The following SLC39A8 variants were observed in gnomAD, a reference collection of about 807,000 sequenced individuals.
SLC39A8 encodes solute carrier family 39 member 8.
Under a neutral mutation model 40.4 loss-of-function variants are expected in SLC39A8, and 15 were observed. The ratio of observed to expected loss-of-function variants is 0.37; its 90% CI spans 0.25 to 0.57. The LOEUF is 0.57. SLC39A8 is among the 20% of genes least tolerant of loss of function. SLC39A8 has a pLI of 0.75. For synonymous variants in SLC39A8, 223 were observed against 221.6 expected, an observed-to-expected ratio of 1.01 and a Z score of -0.06; for missense variants, 472 against 558.8, an observed-to-expected ratio of 0.84 and a Z score of 1.57.
chr4:102,315,531 CAAAATATAA>C, intron 3 of SLC39A8, 128 bp downstream of exon 3: 1 of 638,952 alleles, frequency 1.6e-6, no homozygotes. Context: ...CAAATACTTT[CAAAATATAA>C]GTATTATTCG....
At chr4:102,282,717 GTTTTTTGTTT>G in intron 6 of SLC39A8, among the ~76,000 whole-genome samples, 1 of 152,132 alleles carries the variant, frequency 6.6e-6, no homozygotes, top group South Asian at 2.1e-4. Context: ...GATCAAGGCA[GTTTTTTGTTT>G]GTTTGTTTGT....
chr4:102,268,038 C>T lies in SLC39A8; in HGVS notation c.882G>A (p.Gly294=). The change falls in exon 7 of 9, where the codon GGG becomes GGA. Residue 294 remains glycine (G), a synonymous_variant. Transcript: ENST00000356736. ...TCGTCCCTATTTCTGACAGTTTGGGCCCCTTCAAACAGGTACATGAACTTG... is the reference window on the plus strand; with the variant it reads ...TCGTCCCTATTTCTGACAGTTTGGGTCCCTTCAAACAGGTACATGAACTTG... ...KEPSSCTCLK[G]PKLSEIGTIA... is the part of the protein sequence containing the mutation. The T allele has an allele frequency of 6.2e-7, 1 of 1,614,170 alleles. No individual in the cohort carries two copies. Among genetic ancestry groups the T allele is most frequent in the Non-Finnish European group, 8.5e-7 (1 of 1,180,030 alleles).
chr4:102,276,756 C>G (rs548415066), intron 6 of SLC39A8, among the ~76,000 whole-genome samples: 5 of 152,226 alleles, frequency 3.3e-5, no homozygotes, highest in Admixed American at 1.3e-4. Context: ...ACTGGTATAC[C>G]AAATCCAGTA....
intron 8 of SLC39A8, among the ~76,000 whole-genome samples, chr4:102,263,609 G>C (rs947130296): frequency 6.6e-6 from 1 of 152,062 alleles, no homozygotes; most frequent in African/African-American, 2.4e-5. Flanking sequence ...CTTAAAATAA[G>C]ACAACAATGA....
chr4:102,311,880 T>A (rs1307030326), intron 3 of SLC39A8, among the ~76,000 whole-genome samples: 1 of 152,058 alleles, frequency 6.6e-6, no homozygotes. Flanking sequence ...CTTCATTAAG[T>A]GAAAAGTTAT....
intron 2 of SLC39A8, among the ~76,000 whole-genome samples, chr4:102,319,878 T>A (rs1299524212): frequency 2.6e-5 from 4 of 151,776 alleles, no homozygotes; most frequent in Non-Finnish European, 4.4e-5. Context: ...TAGATTGCCC[T>A]CCCCAGTGTG....
chr4:102,330,741 A>C (rs1275753508), intron 2 of SLC39A8, among the ~76,000 whole-genome samples: 1 of 152,234 alleles, frequency 6.6e-6, no homozygotes, highest in Non-Finnish European at 1.5e-5. Context: ...TTTCAGGTCA[A>C]TATCCCTGAT....
At chr4:102,292,232 T>G (rs1733478258) in intron 6 of SLC39A8, among the ~76,000 whole-genome samples, 1 of 152,088 alleles carries the variant, frequency 6.6e-6, no homozygotes, top group South Asian at 2.1e-4. Context: ...ATAGGTGAAG[T>G]GATGAATATG....
intron 6 of SLC39A8, among the ~76,000 whole-genome samples, chr4:102,286,811 G>A (rs62327946): frequency 0.096 from 14,622 of 152,050 alleles, 776 homozygotes; most frequent in South Asian, 0.17. Context: ...TTCACTATGC[G>A]GGCAATCCTC....
intron 6 of SLC39A8, among the ~76,000 whole-genome samples, chr4:102,297,711 G>A (rs1249900072): frequency 6.6e-6 from 1 of 152,010 alleles, no homozygotes; most frequent in East Asian, 1.9e-4. Context: ...GAGACCTGGA[G>A]TTCAAGATCA....
chr4:102,306,652 G>T (rs1392640551), intron 4 of SLC39A8, among the ~76,000 whole-genome samples: 1 of 151,812 alleles, frequency 6.6e-6, no homozygotes, highest in African/African-American at 2.4e-5. Flanking sequence ...TGTGTGCATT[G>T]TGGGTGGCAG....
chr4:102,334,586 T>C lies in SLC39A8; in HGVS notation c.219+9858A>G, dbSNP rs528750376. Among the ~76,000 whole-genome samples, 13 of 152,162 alleles carry C rather than the reference T, an allele frequency of 8.5e-5. 1 individual carries two copies. The highest frequency in any genetic ancestry group is 1.3e-4 in the Non-Finnish European group (9 of 68,024). On this transcript the variant is annotated intron_variant, in intron 2 of 8. Transcript: ENST00000356736. ...AAGAGGGGAACATCAGCAGAGAACATATGCCAGCTTCAAATAAATGATTGT... is the reference window on the plus strand; with the variant it reads ...AAGAGGGGAACATCAGCAGAGAACACATGCCAGCTTCAAATAAATGATTGT...
In SLC39A8 at chr4:102,344,901, G is replaced by A; in HGVS notation, c.-239C>T. 2 of 1,297,702 alleles carry A rather than the reference G, an allele frequency of 1.5e-6. No individual in the cohort carries two copies. Among genetic ancestry groups the A allele is most frequent in the Non-Finnish European group, 9.7e-7 (1 of 1,027,668 alleles). 80.4% of individuals were successfully genotyped at this position (1,297,702 alleles called of 1,614,324 possible). ...GAGCGATAGGCGGAGTGGGCCCCCC[G>A]GCCTCCTGGAGAGCCTGAGATAAAG... On this transcript the variant is annotated 5_prime_UTR_variant, in exon 2 of 9. Transcript: ENST00000356736.
intron 6 of SLC39A8, among the ~76,000 whole-genome samples, chr4:102,301,797 A>T (rs1733938708): frequency 6.6e-6 from 1 of 152,072 alleles, no homozygotes; most frequent in African/African-American, 2.4e-5. Flanking sequence ...CTTTAACTAA[A>T]ATATAACTTT....
At chr4:102,327,163 G>T (rs887999657) in intron 2 of SLC39A8, among the ~76,000 whole-genome samples, 1 of 152,064 alleles carries the variant, frequency 6.6e-6, no homozygotes, top group East Asian at 1.9e-4. Context: ...TCAGAAGGAT[G>T]AGCAGGAGGA....
intron 2 of SLC39A8, among the ~76,000 whole-genome samples, chr4:102,340,179 T>C (rs1735881838): frequency 6.6e-6 from 1 of 152,188 alleles, no homozygotes; most frequent in African/African-American, 2.4e-5. Context: ...AATGAATACA[T>C]GTTATAAACC....
Position 102,331,023 on chromosome 4 carries a change from C to G in SLC39A8, c.219+13421G>C, listed in dbSNP as rs181833863. Reference sequence around the variant, plus strand: ...TAAACTACGTATTGATGGGATGTATCTCAAAATAATAAGAGCTGCTTATGA... The same window carrying G: ...TAAACTACGTATTGATGGGATGTATGTCAAAATAATAAGAGCTGCTTATGA... On this transcript the variant is annotated intron_variant, in intron 2 of 8. Transcript: ENST00000356736. Among the ~76,000 whole-genome samples, 365 of 152,244 alleles carry G rather than the reference C, an allele frequency of 2.4e-3. 2 individuals are homozygous for G. The highest frequency in any genetic ancestry group is 8.6e-3 in the African/African-American group (356 of 41,540).
intron 6 of SLC39A8, among the ~76,000 whole-genome samples, chr4:102,287,475 A>G (rs6825874): frequency 0.097 from 14,721 of 152,172 alleles, 787 homozygotes; most frequent in South Asian, 0.17. Context: ...GGATACAAGC[A>G]TGATTTTCTC....
At chr4:102,288,215 A>G (rs549093949) in intron 6 of SLC39A8, among the ~76,000 whole-genome samples, 1 of 152,164 alleles carries the variant, frequency 6.6e-6, no homozygotes, top group African/African-American at 2.4e-5. Flanking sequence ...AATATTTCAA[A>G]CTTTTTCATT....
Sources: gnomAD v4.1 joint callset for allele counts (sites outside exome capture counted in the v4.1 genomes callset) on GRCh38, gnomAD v4.1.1 for gene constraint, MANE v1.5 for transcripts, NCBI Gene and HGNC (gene_info 2026-07-23, HGNC 2026-07-21) for gene names.